Variants in ADAMTS6 observed in about 807,000 individuals in gnomAD.
The protein encoded by ADAMTS6 is A disintegrin and metalloproteinase with thrombospondin motifs 6.
Under a neutral mutation model 144.3 loss-of-function variants are expected in ADAMTS6, and 23 were observed. The observed-to-expected ratio is 0.16, with a 90% CI of 0.11 to 0.23. The LOEUF is 0.23. Ranked by LOEUF, ADAMTS6 falls within the 10% of genes least tolerant of loss-of-function variation. ADAMTS6 has a pLI of 1.00. For missense variants in ADAMTS6, 999 were observed against 1,379.6 expected, an observed-to-expected ratio of 0.72 and a Z score of 4.37; for synonymous variants, 444 against 457.5, an observed-to-expected ratio of 0.97 and a Z score of 0.38.
intron 24 of ADAMTS6, among the ~76,000 whole-genome samples, chr5:65,158,719 T>C (rs1752574315): frequency 6.6e-6 from 1 of 152,212 alleles, no homozygotes. Flanking sequence ...AGTGGCAGTC[T>C]GTCAAGATCA....
At chr5:65,459,665 C>A (rs1437489996) in intron 4 of ADAMTS6, among the ~76,000 whole-genome samples, 2 of 152,204 alleles carry the variant, frequency 1.3e-5, no homozygotes, top group East Asian at 3.8e-4. Context: ...CAGCCCTCAG[C>A]TTAGAAGTCA....
At chr5:65,452,676 G>A (rs772769433) in intron 5 of ADAMTS6, 31 bp downstream of exon 5, 1 of 1,604,864 alleles carries the variant, frequency 6.2e-7, no homozygotes, top group Non-Finnish European at 8.5e-7. Flanking sequence ...CAAATATGAA[G>A]TAAAATATTA....
At position 65,354,301 on chromosome 5, in the gene ADAMTS6, C is replaced by G. The variant is rs375306871; in HGVS notation, c.1074-20216G>C. ...AGGGTTCTAAAATGGGTTCTACTTA[C>G]AGAATTATCTCATCCCTCACCTACT... On this transcript the variant is annotated intron_variant, in intron 7 of 24. Transcript: ENST00000381055. Among the ~76,000 whole-genome samples, 81 of 151,928 alleles carry G rather than the reference C, an allele frequency of 5.3e-4. 1 individual carries two copies. The South Asian group carries it at 0.016, about 30-fold the overall frequency.
At chr5:65,410,847 C>A (rs528252699) in intron 7 of ADAMTS6, among the ~76,000 whole-genome samples, 56 of 152,258 alleles carry the variant, frequency 3.7e-4, no homozygotes, top group Middle Eastern at 3.4e-3. Context: ...AATGACAGGA[C>A]TTCCTTTTCT....
intron 7 of ADAMTS6, among the ~76,000 whole-genome samples, chr5:65,360,363 G>A (rs1418313077): frequency 2.6e-5 from 4 of 151,986 alleles, no homozygotes; most frequent in Admixed American, 6.6e-5. Context: ...CCCACCAGCC[G>A]CACCCACCTC....
At chr5:65,283,372 A>G (rs1763130617) in intron 11 of ADAMTS6, among the ~76,000 whole-genome samples, 1 of 152,098 alleles carries the variant, frequency 6.6e-6, no homozygotes, top group East Asian at 1.9e-4. Flanking sequence ...ACCAAAAACT[A>G]AACTAAAAAA....
intron 7 of ADAMTS6, among the ~76,000 whole-genome samples, chr5:65,432,366 T>C (rs1054094771): frequency 6.6e-6 from 1 of 152,032 alleles, no homozygotes. Flanking sequence ...CAGAACTCAA[T>C]AATTTTTGCC....
chr5:65,204,662 A>G (rs1208375850), intron 20 of ADAMTS6, among the ~76,000 whole-genome samples: 1 of 152,232 alleles, frequency 6.6e-6, no homozygotes, highest in Non-Finnish European at 1.5e-5. Context: ...GACCAAAGTG[A>G]AAACTAGGGA....
chr5:65,383,970 G>C (rs57335808), intron 7 of ADAMTS6, among the ~76,000 whole-genome samples: 15,820 of 152,230 alleles, frequency 0.1, 929 homozygotes, highest in African/African-American at 0.13. Flanking sequence ...GGCAGCCCGA[G>C]GCACAACTAA....
intron 20 of ADAMTS6, among the ~76,000 whole-genome samples, chr5:65,213,068 A>G (rs1756646962): frequency 6.6e-6 from 1 of 152,230 alleles, no homozygotes; most frequent in Non-Finnish European, 1.5e-5. Flanking sequence ...TACTTGATCA[A>G]TTAGTTGCAA....
At chr5:65,232,436 T>A (rs527621723) in intron 15 of ADAMTS6, among the ~76,000 whole-genome samples, 13 of 151,528 alleles carry the variant, frequency 8.6e-5, no homozygotes, top group African/African-American at 2.9e-4. Flanking sequence ...TTTTTTAAGA[T>A]AAACAAAATT....
At chr5:65,374,079 C>G (rs1401949205) in intron 7 of ADAMTS6, among the ~76,000 whole-genome samples, 3 of 152,150 alleles carry the variant, frequency 2.0e-5, no homozygotes, top group Admixed American at 6.5e-5. Context: ...TAAAAAGTCT[C>G]AATAAATTAG....
intron 7 of ADAMTS6, among the ~76,000 whole-genome samples, chr5:65,410,270 T>C (rs1317665032): frequency 1.3e-5 from 2 of 152,212 alleles, no homozygotes; most frequent in South Asian, 2.1e-4. Context: ...TCTTCATGTA[T>C]AAATTATTGT....
chr5:65,300,615 A>G (rs952004672), intron 9 of ADAMTS6, among the ~76,000 whole-genome samples: 8 of 151,792 alleles, frequency 5.3e-5, no homozygotes, highest in African/African-American at 1.9e-4. Context: ...GGCCAAATAC[A>G]TAAGTCCTTT....
chr5:65,282,737 A>C (rs1474162602), intron 11 of ADAMTS6, among the ~76,000 whole-genome samples: 1 of 151,994 alleles, frequency 6.6e-6, no homozygotes, highest in Non-Finnish European at 1.5e-5. Flanking sequence ...CTCTGTTTTA[A>C]TGATAATGTT....
At chr5:65,392,000 T>C (rs1479086761) in intron 7 of ADAMTS6, among the ~76,000 whole-genome samples, 2 of 152,082 alleles carry the variant, frequency 1.3e-5, no homozygotes, top group African/African-American at 4.8e-5. Context: ...CCTCCCAAAG[T>C]GCTGAGATTA....
At chr5:65,339,532 T>C (rs952290574) in intron 7 of ADAMTS6, among the ~76,000 whole-genome samples, 3 of 145,274 alleles carry the variant, frequency 2.1e-5, no homozygotes, top group African/African-American at 7.6e-5. Context: ...AGGAAATATA[T>C]GAAATGCCAG....
intron 7 of ADAMTS6, among the ~76,000 whole-genome samples, chr5:65,398,828 GAAAGAA>G (rs1484618878): frequency 6.9e-6 from 1 of 145,002 alleles, no homozygotes; most frequent in Non-Finnish European, 1.5e-5. Context: ...AAGAAAGAAA[GAAAGAA>G]AGAAAGAAAG....
At chr5:65,177,358 C>T (rs1661948054) in intron 22 of ADAMTS6, among the ~76,000 whole-genome samples, 3 of 152,194 alleles carry the variant, frequency 2.0e-5, no homozygotes, top group Admixed American at 1.3e-4. Flanking sequence ...TCAATTTCGC[C>T]TCAAACTATT....
Sources: gnomAD v4.1 joint callset for allele counts (sites outside exome capture counted in the v4.1 genomes callset) on GRCh38, gnomAD v4.1.1 for gene constraint, MANE v1.5 for transcripts, NCBI Gene and HGNC (gene_info 2026-07-23, HGNC 2026-07-21) for gene names.